The following USP16 variants were observed in gnomAD, a reference collection of about 807,000 sequenced individuals.
The protein encoded by USP16 is ubiquitin specific peptidase 16.
USP16 carries 77 observed loss-of-function variants against 95.9 expected under a neutral mutation model. The observed-to-expected ratio is 0.80, with a 90% CI of 0.67 to 0.97. The LOEUF is 0.97. Among genes scored for constraint, USP16 ranks in the 50% least tolerant of loss-of-function variants. The pLI, the probability that USP16 is intolerant of heterozygous loss-of-function variation, is 0.00. For missense variants in USP16, 943 were observed against 959.9 expected (o/e 0.98, Z 0.23); for synonymous variants, 303 against 318.2 (o/e 0.95, Z 0.51).
chr21:29,037,318 T>G lies in USP16; in HGVS notation c.491T>G (p.Leu164Ter). ...NGNIELENKKLEKESKNEQER... is the reference protein window; with the variant it reads ...NGNIELENKK ...AATATTGAACTTGAAAATAAAAAAT[T>G]AGAAAAAGAGAGTAAGAATGAACAA... The change falls in exon 6 of 18, where the codon TTA becomes TGA. Residue 164 changes from leucine (L) to a stop codon, truncating the protein, a stop_gained. Transcript: ENST00000399976. LOFTEE classifies it high-confidence loss of function. 1 of 1,567,096 alleles carries G rather than the reference T, an allele frequency of 6.4e-7. No homozygotes were observed. The highest frequency in any genetic ancestry group is 1.4e-5 in the African/African-American group (1 of 72,396).
chr21:29,039,057 G>A lies in USP16; in HGVS notation c.764G>A (p.Gly255Asp). The change falls in exon 8 of 18, where the codon GGC (glycine) becomes GAC (aspartate). Residue 255 changes from glycine to aspartate, a missense_variant. Transcript: ENST00000399976. ...TTAGAAATAAACCTTGAGCCTCCAG[G>A]CCCTCTTACTTTAGCCATGAGCCAG... ...EPLEINLEPP[G>D]PLTLAMSQFL... The A allele has an allele frequency of 6.3e-7, 1 of 1,578,270 alleles. No individual in the cohort carries two copies. Among genetic ancestry groups the A allele is most frequent in the East Asian group, 2.3e-5 (1 of 42,882 alleles).
At chr21:29,039,376 A>G in intron 8 of USP16, 105 bp from the exon 9 acceptor site, 2 of 1,313,534 alleles carry the variant, frequency 1.5e-6, no homozygotes, top group Non-Finnish European at 2.1e-6. Context: ...ATTTGTAGAA[A>G]CCAGAACTCT....
In USP16 at chr21:29,028,125, T is replaced by A; in HGVS notation, c.61+151T>A. ...ATATGTCATTTAATAGTCTTCTACT[T>A]TTTTTTTTTTTTTTGAGAAAGAATC... On this transcript the variant is annotated intron_variant, in intron 2 of 17. Coordinates refer to ENST00000399976, the MANE Select transcript of USP16 (RefSeq NM_006447.3). 3 of 457,448 alleles carry A rather than the reference T, an allele frequency of 6.6e-6. No homozygotes were observed. In the South Asian group the frequency reaches 9.5e-5, roughly 14 times the overall value. 28.3% of individuals were successfully genotyped at this position (457,448 alleles called of 1,614,324 possible). A position where few individuals can be genotyped will look rare whatever the true frequency, so the allele number is the denominator to read the frequency against.
At position 29,054,400 on chromosome 21, in the gene USP16, A is replaced by G. The variant is rs2085463642; in HGVS notation, c.*213A>G. 3.2e-6 allele frequency: 2 copies of G among 631,912 alleles called. No homozygotes were observed. Among genetic ancestry groups the G allele is most frequent in the Non-Finnish European group, 2.5e-6 (1 of 392,366 alleles). 39.1% of individuals were successfully genotyped at this position (631,912 alleles called of 1,614,324 possible). A position where few individuals can be genotyped will look rare whatever the true frequency, so the allele number is the denominator to read the frequency against. The stretch of plus-strand genomic sequence containing the variant: ...GTTTTTATTCCTGCTTTGTTTCTGG[A>G]AAGGAAATCCTGAATTACTTAAGTA... On this transcript the variant is annotated 3_prime_UTR_variant, in exon 18 of 18. Coordinates refer to ENST00000399976, the MANE Select transcript of USP16 (RefSeq NM_006447.3).
At position 29,042,585 on chromosome 21, in the gene USP16, G is replaced by C. The variant is rs533110138; in HGVS notation, c.1179+57G>C. ...GATTTTTTTTCCTGTAAGATTTTGTGGGGGGAAGCCTTGTTACTCTTTTTA... is the reference window on the plus strand; with the variant it reads ...GATTTTTTTTCCTGTAAGATTTTGTCGGGGGAAGCCTTGTTACTCTTTTTA... On this transcript the variant is annotated intron_variant, in intron 12 of 17. Coordinates refer to ENST00000399976, the MANE Select transcript of USP16 (RefSeq NM_006447.3). The C allele has an allele frequency of 5.6e-5, 83 of 1,479,418 alleles. 1 individual carries two copies. In the African/African-American group the frequency reaches 6.5e-4, roughly 12 times the overall value. 91.6% of individuals were successfully genotyped at this position (1,479,418 alleles called of 1,614,324 possible).
At chr21:29,039,343 G>A in intron 8 of USP16, 138 bp from the exon 9 acceptor site, 8 of 1,107,184 alleles carry the variant, frequency 7.2e-6, no homozygotes, top group Non-Finnish European at 9.7e-6. Flanking sequence ...AATCTCCCAA[G>A]GGTGTTAATG....
intron 3 of USP16, among the ~76,000 whole-genome samples, chr21:29,032,817 G>A (rs1005825039): frequency 1.3e-5 from 2 of 151,824 alleles, no homozygotes; most frequent in Admixed American, 1.3e-4. Context: ...GCAATTTAAT[G>A]TTTAGTTTTT....
At chr21:29,050,203 G>A (rs536000939) in intron 16 of USP16, 25 bp downstream of exon 16, 1 of 1,606,374 alleles carries the variant, frequency 6.2e-7, no homozygotes, top group South Asian at 1.1e-5. Context: ...TCTTTTTCAG[G>A]AAAGTCCTTT....
intron 16 of USP16, 29 bp from the exon 17 acceptor site, chr21:29,053,769 GAACT>G: frequency 6.2e-7 from 1 of 1,603,908 alleles, no homozygotes; most frequent in Non-Finnish European, 8.5e-7. Context: ...AATGGAACTA[GAACT>G]AACTTTTGGA....
chr21:29,040,036 G>GA (rs2085220160), intron 9 of USP16, among the ~76,000 whole-genome samples: 1 of 152,132 alleles, frequency 6.6e-6, no homozygotes, highest in South Asian at 2.1e-4. Context: ...TTTGGGGTAT[G>GA]AATTAATGAG....
Position 29,043,591 on chromosome 21 carries a change from C to T in USP16, c.1348C>T (p.Gln450Ter). ...AAAAGCAAAGAAACAAGCCAAAAAG[C>T]AAGCCAAGGTGGGTAATTAGGAGGA... Reference protein sequence around the residue: ...QKKAKKQAKKQAKNQRRQQKI... With the variant: ...QKKAKKQAKK The change falls in exon 13 of 18, where the codon CAA (glutamine) becomes TAA (stop). Residue 450 changes from glutamine to a stop codon, truncating the protein, a stop_gained. Transcript: ENST00000399976. LOFTEE classifies it high-confidence loss of function. 6.5e-7 allele frequency: 1 copy of T among 1,543,840 alleles called. No homozygotes were observed. The highest frequency in any genetic ancestry group is 8.7e-7 in the Non-Finnish European group (1 of 1,152,440).
At chr21:29,028,916 T>C (rs1568881825) in intron 2 of USP16, among the ~76,000 whole-genome samples, 1 of 152,240 alleles carries the variant, frequency 6.6e-6, no homozygotes, top group Non-Finnish European at 1.5e-5. Flanking sequence ...CCAAATATTT[T>C]CCTAATACAC....
At chr21:29,043,935 T>C (rs2085283117) in intron 13 of USP16, among the ~76,000 whole-genome samples, 1 of 151,674 alleles carries the variant, frequency 6.6e-6, no homozygotes, top group South Asian at 2.1e-4. Context: ...CCACCACTGT[T>C]TTTTTTTTCC....
chr21:29,034,996 G>T, intron 4 of USP16, 56 bp downstream of exon 4: 1 of 1,502,262 alleles, frequency 6.7e-7, no homozygotes, highest in Non-Finnish European at 9.2e-7. Flanking sequence ...ATTAGAGAAT[G>T]GAAATGTTTA....
intron 5 of USP16, 146 bp downstream of exon 5, chr21:29,036,520 A>T: frequency 1.3e-6 from 1 of 762,584 alleles, no homozygotes; most frequent in Admixed American, 2.5e-5. Flanking sequence ...TTTTGGTTTA[A>T]CTATAAGGTA....
At chr21:29,041,204 G>GT (rs1346416161) in intron 10 of USP16, among the ~76,000 whole-genome samples, 1 of 152,046 alleles carries the variant, frequency 6.6e-6, no homozygotes, top group Admixed American at 6.6e-5. Flanking sequence ...TTAAATAGCC[G>GT]TAAGTGACTA....
chr21:29,042,252 A>C, intron 11 of USP16, 148 bp downstream of exon 11: 1 of 852,624 alleles, frequency 1.2e-6, no homozygotes, highest in Non-Finnish European at 1.8e-6. Context: ...CTTTGTGGGA[A>C]ATGTCAGCAC....
rs747183984 is a variant in USP16, at chr21:29,027,890, G to A, written c.-24G>A. 3.8e-5 allele frequency: 62 copies of A among 1,612,786 alleles called. No homozygotes were observed. Among genetic ancestry groups the A allele is most frequent in the Admixed American group, 3.3e-4 (20 of 59,960 alleles). ...TTTTCTAGATTGTTATTTTGTGTCA[G>A]TAAGTAATCCATAAAGTGCCAACAT... On this transcript the variant is annotated 5_prime_UTR_variant, in exon 2 of 18. Coordinates refer to ENST00000399976, the MANE Select transcript of USP16 (RefSeq NM_006447.3).
At chr21:29,051,851 C>T (rs938026445) in intron 16 of USP16, among the ~76,000 whole-genome samples, 1 of 151,348 alleles carries the variant, frequency 6.6e-6, no homozygotes, top group African/African-American at 2.4e-5. Context: ...AAAGTCTGGG[C>T]CAGTTGCTGT....
Sources: allele counts gnomAD v4.1 joint callset (sites outside exome capture counted in the v4.1 genomes callset), GRCh38; gene constraint gnomAD v4.1.1; transcripts MANE v1.5; gene names NCBI Gene and HGNC (gene_info 2026-07-23, HGNC 2026-07-21).